Variants in CNST observed in about 807,000 individuals in gnomAD.
CNST encodes consortin.
Under a neutral mutation model 72.4 loss-of-function variants are expected in CNST, and 39 were observed. The observed-to-expected ratio is 0.54, with a 90% CI of 0.42 to 0.70. The LOEUF is 0.70. Ranked by LOEUF, CNST falls within the 30% of genes least tolerant of loss-of-function variation. CNST has a pLI of 0.00. For synonymous variants in CNST, 332 were observed against 320.1 expected (o/e 1.04, Z -0.40); for missense variants, 871 against 868.5 (o/e 1.00, Z -0.04).
intron 1 of CNST, among the ~76,000 whole-genome samples, chr1:246,570,949 C>T (rs930375693): frequency 6.6e-6 from 1 of 152,004 alleles, no homozygotes; most frequent in Admixed American, 6.5e-5. Context: ...TGTTATGTAA[C>T]CTTTCCAGTT....
At chr1:246,570,514 T>C (rs560249870) in intron 1 of CNST, among the ~76,000 whole-genome samples, 17 of 152,148 alleles carry the variant, frequency 1.1e-4, no homozygotes, top group Non-Finnish European at 1.8e-4. Flanking sequence ...ATGAAGAAAT[T>C]TTAAATTACC....
At chr1:246,598,690 G>A (rs923129065) in intron 2 of CNST, among the ~76,000 whole-genome samples, 1 of 152,194 alleles carries the variant, frequency 6.6e-6, no homozygotes, top group African/African-American at 2.4e-5. Flanking sequence ...GTACTGGCCA[G>A]AGTTGAGATC....
chr1:246,638,885 C>T (rs567007328), intron 6 of CNST, among the ~76,000 whole-genome samples: 16 of 152,182 alleles, frequency 1.1e-4, no homozygotes, highest in East Asian at 3.9e-4. Flanking sequence ...CTGGTTAGCA[C>T]GGTGATTTGG....
chr1:246,597,391 C>T (rs1478567353), intron 2 of CNST, among the ~76,000 whole-genome samples: 1 of 152,190 alleles, frequency 6.6e-6, no homozygotes, highest in Non-Finnish European at 1.5e-5. Flanking sequence ...TCATTCTTCC[C>T]TTCCCCAAGC....
At chr1:246,613,782 C>T (rs895194328) in intron 2 of CNST, among the ~76,000 whole-genome samples, 5 of 145,000 alleles carry the variant, frequency 3.4e-5, no homozygotes, top group African/African-American at 1.3e-4. Flanking sequence ...CAACCTCCAC[C>T]TCCCAGGTTC....
At chr1:246,627,824 G>A (rs960877617) in intron 3 of CNST, among the ~76,000 whole-genome samples, 2 of 150,460 alleles carry the variant, frequency 1.3e-5, no homozygotes, top group Non-Finnish European at 3.0e-5. Context: ...TCTTTGGAAG[G>A]AAGAATAACT....
intron 2 of CNST, among the ~76,000 whole-genome samples, chr1:246,602,567 A>G (rs1003486236): frequency 2.6e-5 from 4 of 152,230 alleles, no homozygotes; most frequent in Non-Finnish European, 5.9e-5. Context: ...TGGAAGTCAT[A>G]CTTTTTTAAT....
chr1:246,652,472 A>T (rs1048133725), intron 9 of CNST, among the ~76,000 whole-genome samples: 1 of 152,216 alleles, frequency 6.6e-6, no homozygotes, highest in Non-Finnish European at 1.5e-5. Flanking sequence ...AAATAATCAT[A>T]GTATGTAATT....
intron 9 of CNST, among the ~76,000 whole-genome samples, chr1:246,648,986 G>A (rs1001244337): frequency 1.3e-5 from 2 of 152,254 alleles, no homozygotes; most frequent in Middle Eastern, 3.4e-3. Flanking sequence ...TATATTACTA[G>A]CTCCCTTTAT....
chr1:246,661,142 G>A (rs1304391764), intron 10 of CNST, among the ~76,000 whole-genome samples: 2 of 150,926 alleles, frequency 1.3e-5, no homozygotes, highest in Non-Finnish European at 3.0e-5. Context: ...GCTAATTTTT[G>A]TATTTTTAGT....
intron 4 of CNST, among the ~76,000 whole-genome samples, 174 bp from the exon 5 acceptor site, chr1:246,633,746 GAAAA>G (rs746900904): frequency 1.1e-4 from 12 of 113,996 alleles, no homozygotes; most frequent in African/African-American, 3.2e-4. Context: ...CCATCTCAAG[GAAAA>G]AAAAAAAAAA....
At chr1:246,606,250 AC>A (rs905534737) in intron 2 of CNST, 7 of 151,988 alleles carry the variant, frequency 4.6e-5, no homozygotes, top group Admixed American at 2.0e-4. Context: ...AAACAGGAGG[AC>A]CCCAATGATG....
chr1:246,589,567 A>G (rs983123085), intron 1 of CNST, among the ~76,000 whole-genome samples: 37 of 152,298 alleles, frequency 2.4e-4, no homozygotes, highest in African/African-American at 7.9e-4. Context: ...TAGTGCCACA[A>G]TAAACATACA....
intron 6 of CNST, among the ~76,000 whole-genome samples, chr1:246,635,311 T>C (rs1665129106): frequency 6.6e-6 from 1 of 151,752 alleles, no homozygotes; most frequent in South Asian, 2.1e-4. Flanking sequence ...TTAACTGTAG[T>C]TTCAACAAGA....
chr1:246,663,927 T>C (rs190031227), intron 10 of CNST, among the ~76,000 whole-genome samples: 1 of 152,298 alleles, frequency 6.6e-6, no homozygotes, highest in East Asian at 1.9e-4. Flanking sequence ...TCCCTTAGAC[T>C]CTAAGATGCT....
At chr1:246,617,222 T>C (rs906070727) in intron 2 of CNST, among the ~76,000 whole-genome samples, 2 of 152,242 alleles carry the variant, frequency 1.3e-5, no homozygotes, top group Non-Finnish European at 2.9e-5. Flanking sequence ...AGGCTACATA[T>C]TGTATGATAA....
At chr1:246,627,728 A>G (rs1450911774) in intron 3 of CNST, among the ~76,000 whole-genome samples, 1 of 152,152 alleles carries the variant, frequency 6.6e-6, no homozygotes, top group Non-Finnish European at 1.5e-5. Context: ...AATAAGAACT[A>G]AAAGAAGACA....
intron 9 of CNST, among the ~76,000 whole-genome samples, chr1:246,659,343 C>T (rs899178943): frequency 2.6e-5 from 4 of 152,144 alleles, no homozygotes; most frequent in African/African-American, 4.8e-5. Flanking sequence ...ACCTGTAATC[C>T]CAGCACTTTG....
intron 6 of CNST, among the ~76,000 whole-genome samples, chr1:246,637,371 G>A (rs187617020): frequency 6.6e-6 from 1 of 152,348 alleles, no homozygotes; most frequent in Non-Finnish European, 1.5e-5. Context: ...GGACAAGGAG[G>A]TGTCGGCAGG....
Sources: gnomAD v4.1 joint callset for allele counts (sites outside exome capture counted in the v4.1 genomes callset) on GRCh38, gnomAD v4.1.1 for gene constraint, MANE v1.5 for transcripts, NCBI Gene and HGNC (gene_info 2026-07-23, HGNC 2026-07-21) for gene names.